Variants in STOX2 observed in about 807,000 individuals in gnomAD.
STOX2 encodes the protein storkhead-box protein 2.
A neutral mutation model predicts 60.9 loss-of-function variants in STOX2; 28 were observed. The observed-to-expected ratio is 0.46, with a 90% CI of 0.34 to 0.63. STOX2 has a LOEUF of 0.63. Ranked by LOEUF, STOX2 falls within the 30% of genes least tolerant of loss-of-function variation. The pLI is 0.01. For synonymous variants in STOX2, 472 were observed against 463.9 expected (o/e 1.02, Z -0.22); for missense variants, 1,024 against 1,187.7 (o/e 0.86, Z 2.03).
At chr4:183,807,184 T>A (rs190056064) in intron 1 of STOX2, among the ~76,000 whole-genome samples, 1 of 152,038 alleles carries the variant, frequency 6.6e-6, no homozygotes, top group Non-Finnish European at 1.5e-5. Flanking sequence ...GCGTTAGCCA[T>A]GATGGTCTCG....
chr4:183,860,442 C>CAAAAAAAAAAAAAAAAAAAAAAGAAA (rs35753992), intron 1 of STOX2, among the ~76,000 whole-genome samples: 1 of 121,506 alleles, frequency 8.2e-6, no homozygotes, highest in African/African-American at 3.0e-5. Flanking sequence ...AAACAAAAAA[C>CAAAAAAAAAAAAAAAAAAAAAAGAAA]AAAAAAAAAA....
intron 1 of STOX2, among the ~76,000 whole-genome samples, chr4:183,829,550 T>C (rs181973680): frequency 9.8e-5 from 15 of 152,308 alleles, no homozygotes; most frequent in Non-Finnish European, 2.1e-4. Flanking sequence ...GTCTCCCTCA[T>C]GTCTTTGTAT....
chr4:183,810,372 G>T (rs1411689603), intron 1 of STOX2, among the ~76,000 whole-genome samples: 2 of 152,150 alleles, frequency 1.3e-5, no homozygotes, highest in African/African-American at 4.8e-5. Context: ...GCTTTATCAG[G>T]ACCACCATGG....
chr4:183,910,141 G>GA (rs1318372651), intron 1 of STOX2, among the ~76,000 whole-genome samples: 5 of 152,204 alleles, frequency 3.3e-5, no homozygotes, highest in African/African-American at 1.2e-4. Flanking sequence ...TTTCTGGGCA[G>GA]AAAGGGGAAG....
rs113609199 is a variant in STOX2, at chr4:183,940,652, A to T, written c.166+33696A>T. ...ATAAGCCAAGTTGATTGATCACTTG[A>T]TGTTTGACAGAGGTCAAGTATTATT... is the stretch of plus-strand genomic sequence containing the variant. On this transcript the variant is annotated intron_variant, in intron 1 of 3. Transcript: ENST00000308497. 7.6e-3 allele frequency among the ~76,000 whole-genome samples: 1,161 copies of T among 152,310 alleles called. 15 individuals carry two copies. Among genetic ancestry groups the T allele is most frequent in the African/African-American group, 0.025 (1,059 of 41,552 alleles).
At chr4:183,965,154 A>T (rs1743526202) in intron 1 of STOX2, among the ~76,000 whole-genome samples, 1 of 152,226 alleles carries the variant, frequency 6.6e-6, no homozygotes, top group East Asian at 1.9e-4. Flanking sequence ...CACTCATGGC[A>T]CCAGCATGTC....
chr4:183,963,076 G>C (rs1743457627), intron 1 of STOX2, among the ~76,000 whole-genome samples: 1 of 152,098 alleles, frequency 6.6e-6, no homozygotes, highest in Admixed American at 6.5e-5. Context: ...GGTAACTTTT[G>C]ATCACTTACT....
At chr4:183,992,630 T>C (rs1322121416) in intron 1 of STOX2, among the ~76,000 whole-genome samples, 1 of 152,240 alleles carries the variant, frequency 6.6e-6, no homozygotes, top group Non-Finnish European at 1.5e-5. Context: ...TTTCAGGACA[T>C]CTGGGAGATC....
chr4:183,999,099 T>C (rs1305600328), intron 1 of STOX2, among the ~76,000 whole-genome samples: 1 of 152,064 alleles, frequency 6.6e-6, no homozygotes, highest in African/African-American at 2.4e-5. Context: ...AAAACCCAGC[T>C]TTTTTTGTAG....
At position 183,825,194 on chromosome 4, in the gene STOX2, A is replaced by G. The variant is rs1021155255; in HGVS notation, c.364+27139A>G. ...GGTCGTGGTGGATGGTCTCAGGTCC[A>G]CCATGAGGACGGCTGGGACATTCTT... On this transcript the variant is annotated intron_variant, in intron 1 of 2. Coordinates refer to the STOX2 transcript ENST00000513034. The surrounding 1 kb of genome is among the most constrained non-coding windows in gnomAD (Gnocchi z 4.1). 6.6e-6 allele frequency among the ~76,000 whole-genome samples: 1 copy of G among 152,230 alleles called. No individual in the cohort carries two copies. The highest frequency in any genetic ancestry group is 1.9e-4 in the East Asian group (1 of 5,188).
At position 184,009,146 on chromosome 4, in the gene STOX2, T is replaced by TTC; in HGVS notation, c.320-11_320-10insCT. On this transcript the variant is annotated splice_polypyrimidine_tract_variant and intron_variant, in intron 2 of 3. Transcript: ENST00000308497. This position sits in a 1 kb window ranked among gnomAD's most constrained non-coding sequence, Gnocchi z 4.0. ...TCATTCTCACAAGTGGTTTTTTTTT[T>TTC]TTTTTTTTCAGGTGTTCCAACGCCA... The TTC allele has an allele frequency of 1.5e-5, 21 of 1,428,932 alleles. No homozygotes were observed. Among genetic ancestry groups the TTC allele is most frequent in the Non-Finnish European group, 2.0e-5 (21 of 1,074,926 alleles). 88.5% of individuals were successfully genotyped at this position (1,428,932 alleles called of 1,614,324 possible).
intron 1 of STOX2, among the ~76,000 whole-genome samples, chr4:183,944,758 A>C (rs1370091962): frequency 1.3e-5 from 2 of 152,194 alleles, no homozygotes; most frequent in Non-Finnish European, 2.9e-5. Context: ...TTTAAGTATA[A>C]ATTCTTTATT....
intron 1 of STOX2, among the ~76,000 whole-genome samples, chr4:183,872,700 T>A (rs1055670359): frequency 6.6e-6 from 1 of 152,312 alleles, no homozygotes; most frequent in African/African-American, 2.4e-5. Flanking sequence ...CGTGCTGCTT[T>A]GGGCCAATAG....
intron 1 of STOX2, among the ~76,000 whole-genome samples, chr4:183,868,442 A>G (rs1485448001): frequency 6.6e-6 from 1 of 152,140 alleles, no homozygotes; most frequent in African/African-American, 2.4e-5. Flanking sequence ...AAAGAAAAAA[A>G]AATTGTTTCT....
In STOX2 at chr4:184,010,248, C is replaced by T; in HGVS notation, c.1410C>T (p.Ser470=). The T allele has an allele frequency of 6.4e-7, 1 of 1,565,444 alleles. No individual in the cohort carries two copies. The highest frequency in any genetic ancestry group is 8.7e-7 in the Non-Finnish European group (1 of 1,155,188). The part of the protein sequence containing the change: ...RGSSHSKVHR[S]HSHTQDRRSR... ...GCTCCCACTCAAAAGTGCACCGAAG[C>T]CACAGCCATACACAGGACCGGAGGT... Residue 470 remains serine, a synonymous_variant, in exon 3 of 4, where the codon AGC becomes AGT. Transcript: ENST00000308497. The surrounding 1 kb of genome is among the most constrained non-coding windows in gnomAD (Gnocchi z 4.5).
intron 1 of STOX2, among the ~76,000 whole-genome samples, chr4:183,930,314 C>T (rs915166654): frequency 2.0e-5 from 3 of 151,634 alleles, no homozygotes; most frequent in South Asian, 4.2e-4. Flanking sequence ...TACAGACGTG[C>T]GCCACCAAGC....
chr4:183,802,549 T>A lies in STOX2; in HGVS notation c.364+4494T>A, dbSNP rs888766235. 2.4e-3 allele frequency among the ~76,000 whole-genome samples: 345 copies of A among 143,786 alleles called. 1 individual carries two copies. Among genetic ancestry groups the A allele is most frequent in the Non-Finnish European group, 2.7e-3 (175 of 65,492 alleles). 94.3% of individuals were successfully genotyped at this position (143,786 alleles called of 152,430 possible). ...CCACTAAGCCTGGCTAATTTTTAAC[T>A]TTTTTTTTTTGTAGAGACAGGGTCT... On this transcript the variant is annotated intron_variant, in intron 1 of 2. Transcript: ENST00000513034.
chr4:183,938,142 C>T (rs1742639549), intron 1 of STOX2, among the ~76,000 whole-genome samples: 1 of 152,132 alleles, frequency 6.6e-6, no homozygotes, highest in African/African-American at 2.4e-5. Flanking sequence ...GAATGAGACC[C>T]TGTCTCAAGA....
At position 183,914,679 on chromosome 4, in the gene STOX2, C is replaced by T. The variant is rs151289338; in HGVS notation, c.166+7723C>T. ...AGAATAGCTTGGCTTTCTGTGCTTT[C>T]TGTTCCCCTTCTTGGAGGGGAGCAG... On this transcript the variant is annotated intron_variant, in intron 1 of 3. Transcript: ENST00000308497. Among the ~76,000 whole-genome samples the T allele has an allele frequency of 2.4e-3, 360 of 152,268 alleles. 5 individuals are homozygous for T. Among genetic ancestry groups the T allele is most frequent in the Middle Eastern group, 6.8e-3 (2 of 294 alleles).
Sources: gnomAD v4.1 joint callset for allele counts (sites outside exome capture counted in the v4.1 genomes callset) on GRCh38, gnomAD v4.1.1 for gene constraint, Gnocchi (gnomAD v3.1) non-coding constraint, MANE v1.5 for transcripts, NCBI Gene and HGNC (gene_info 2026-07-23, HGNC 2026-07-21) for gene names.